The following ATP6V1B2 variants were observed in gnomAD, a reference collection of about 807,000 sequenced individuals.
ATP6V1B2 encodes ATPase H+ transporting V1 subunit B2.
ATP6V1B2 carries 23 observed loss-of-function variants against 66.7 expected under a neutral mutation model. That is an observed-to-expected ratio of 0.34 (90% confidence interval 0.25 to 0.49). The LOEUF (loss-of-function observed/expected upper bound fraction) is 0.49. Among genes scored for constraint, ATP6V1B2 ranks in the 20% least tolerant of loss-of-function variants. ATP6V1B2 has a pLI of 0.99. For synonymous variants in ATP6V1B2, 278 were observed against 236.7 expected, an observed-to-expected ratio of 1.17 and a Z score of -1.60; for missense variants, 478 against 650.8, an observed-to-expected ratio of 0.73 and a Z score of 2.89.
At position 20,203,349 on chromosome 8, in the gene ATP6V1B2, C is replaced by G. The variant is rs145439061; in HGVS notation, c.137-1135C>G. On this transcript the variant is annotated intron_variant, in intron 1 of 13. Transcript: ENST00000276390. The stretch of plus-strand genomic sequence containing the variant: ...GTCTGCTCTGTCCCAGCATTTTTAC[C>G]AGGGCTCTGGCTTCCCCGCCTGAGG... Among the ~76,000 whole-genome samples the G allele has an allele frequency of 6.5e-3, 992 of 152,300 alleles. 6 individuals carry two copies. The highest frequency in any genetic ancestry group is 0.02 in the Middle Eastern group (6 of 294).
chr8:20,202,288 A>G (rs2072695777), intron 1 of ATP6V1B2, among the ~76,000 whole-genome samples: 2 of 152,196 alleles, frequency 1.3e-5, no homozygotes, highest in African/African-American at 4.8e-5. Context: ...TAGAGTGTAC[A>G]CATTCAGATC....
Position 20,218,208 on chromosome 8 carries a change from A to C in ATP6V1B2, c.1322A>C (p.Glu441Ala), listed in dbSNP as rs750249784. The C allele has an allele frequency of 1.1e-5, 17 of 1,613,460 alleles. No homozygotes were observed. In the Admixed American group the frequency reaches 2.0e-4, roughly 19 times the overall value. Residue 441 changes from glutamate to alanine, a missense_variant, in exon 13 of 14, where the codon GAA (glutamate) becomes GCA (alanine). Coordinates refer to ENST00000276390, the MANE Select transcript of ATP6V1B2 (RefSeq NM_001693.4). The stretch of plus-strand genomic sequence containing the variant: ...CAAGCCATGAAAGCTGTCGTTGGAG[A>C]AGAAGCCCTTACCTCAGATGATCTT... ...DVQAMKAVVG[E>A]EALTSDDLLY...
At position 20,211,212 on chromosome 8, in the gene ATP6V1B2, G is replaced by A. The variant is rs1419503582; in HGVS notation, c.499G>A (p.Glu167Lys). Reference sequence around the variant, plus strand: ...CAACCCTCAATGTCGAATCTACCCAGAGGAAATGATTCAGACTGGCATTTC... The same window carrying A: ...CAACCCTCAATGTCGAATCTACCCAAAGGAAATGATTCAGACTGGCATTTC... The part of the protein sequence containing the change: ...PINPQCRIYP[E>K]EMIQTGISAI... Residue 167 changes from glutamate to lysine, a missense_variant, in exon 6 of 14, where the codon GAG (glutamate) becomes AAG (lysine). Around this residue, in one of 2 missense-constraint regions of ATP6V1B2, gnomAD observed 326 missense variants for 545.6 expected, o/e 0.60. Transcript: ENST00000276390. The A allele has an allele frequency of 6.2e-7, 1 of 1,613,120 alleles. No homozygotes were observed.
intron 1 of ATP6V1B2, among the ~76,000 whole-genome samples, chr8:20,199,663 C>G (rs1585243874): frequency 7.9e-6 from 1 of 126,964 alleles, no homozygotes; most frequent in Non-Finnish European, 1.5e-5. Flanking sequence ...GGCTGGAGTG[C>G]AGAGTGGCGC....
At position 20,220,286 on chromosome 8, in the gene ATP6V1B2, T is replaced by C; in HGVS notation, c.1420T>C (p.Phe474Leu). The C allele has an allele frequency of 6.2e-7, 1 of 1,603,370 alleles. No homozygotes were observed. Among genetic ancestry groups the C allele is most frequent in the Non-Finnish European group, 8.5e-7 (1 of 1,177,256 alleles). Reference protein sequence around the residue: ...AQGPYENRTVFETLDIGWQLL... With the variant: ...AQGPYENRTVLETLDIGWQLL... ...AGGTCCTTACGAAAATCGCACTGTC[T>C]TTGAGACTTTGGACATTGGCTGGCA... The change falls in exon 14 of 14, where the codon TTT becomes CTT. Residue 474 changes from phenylalanine (F) to leucine (L), a missense_variant. Around this residue, in one of 2 missense-constraint regions of ATP6V1B2, gnomAD observed 326 missense variants for 545.6 expected, o/e 0.60. Transcript: ENST00000276390.
At chr8:20,199,684 C>T (rs1190589316) in intron 1 of ATP6V1B2, among the ~76,000 whole-genome samples, 1 of 144,660 alleles carries the variant, frequency 6.9e-6, no homozygotes, top group African/African-American at 2.5e-5. Flanking sequence ...GATCTAGGCT[C>T]GCTGCAACCT....
intron 1 of ATP6V1B2, among the ~76,000 whole-genome samples, chr8:20,202,249 T>G (rs1431641809): frequency 2.6e-5 from 4 of 152,162 alleles, no homozygotes; most frequent in African/African-American, 9.7e-5. Context: ...TGGGCTGTAG[T>G]AGAGTCAAAG....
At chr8:20,200,650 A>T (rs1477493814) in intron 1 of ATP6V1B2, among the ~76,000 whole-genome samples, 3 of 152,246 alleles carry the variant, frequency 2.0e-5, no homozygotes, top group African/African-American at 7.2e-5. Context: ...GAAAAGATTC[A>T]ACAACATACA....
At chr8:20,210,678 G>T in intron 5 of ATP6V1B2, 32 bp downstream of exon 5, 1 of 1,586,790 alleles carries the variant, frequency 6.3e-7, no homozygotes, top group South Asian at 1.1e-5. Flanking sequence ...CTGTGTTTGG[G>T]AGAAAATAAC....
intron 1 of ATP6V1B2, among the ~76,000 whole-genome samples, chr8:20,200,335 C>T (rs983993481): frequency 1.3e-5 from 2 of 152,062 alleles, no homozygotes; most frequent in African/African-American, 4.8e-5. Context: ...TCACACTGAA[C>T]CTTTAGAAGT....
intron 1 of ATP6V1B2, among the ~76,000 whole-genome samples, chr8:20,198,057 A>C (rs2072646876): frequency 2.6e-5 from 4 of 152,088 alleles, no homozygotes; most frequent in Admixed American, 2.0e-4. Flanking sequence ...CCAGAGGGAG[A>C]TGTGGCTTGG....
intron 13 of ATP6V1B2, among the ~76,000 whole-genome samples, chr8:20,219,473 CT>C (rs2072886700): frequency 6.6e-6 from 1 of 152,214 alleles, no homozygotes; most frequent in Admixed American, 6.5e-5. Context: ...CCCATCACCC[CT>C]GCTAATGCTA....
chr8:20,204,182 A>C, intron 1 of ATP6V1B2: 1 of 403,150 alleles, frequency 2.5e-6, no homozygotes, highest in Non-Finnish European at 4.7e-6. Context: ...ACCCCCTCGC[A>C]TAAGACTGAA....
chr8:20,200,969 G>A lies in ATP6V1B2; in HGVS notation c.136+3427G>A, dbSNP rs559287620. Among the ~76,000 whole-genome samples, 22 of 152,272 alleles carry A rather than the reference G, an allele frequency of 1.4e-4. No homozygotes were observed. In the South Asian group the frequency reaches 1.4e-3, roughly 10 times the overall value. The stretch of plus-strand genomic sequence containing the variant: ...GCTGTCAACTTTTTCTGAGTATTTC[G>A]TAATCATTAAATGGTGTTACTAGTG... On this transcript the variant is annotated intron_variant, in intron 1 of 13. Transcript: ENST00000276390.
intron 2 of ATP6V1B2, among the ~76,000 whole-genome samples, chr8:20,205,882 C>G (rs1005931484): frequency 6.6e-6 from 1 of 151,976 alleles, no homozygotes; most frequent in African/African-American, 2.4e-5. Context: ...AGCAAAATAC[C>G]TATGTAAAAT....
In ATP6V1B2 at chr8:20,220,571, T is replaced by A; in HGVS notation, c.*169T>A. ...CCAGTGTTGCAACGTTTTAAACTGC[T>A]AACAGACCTTAAAATATCCCCCTAC... On this transcript the variant is annotated 3_prime_UTR_variant, in exon 14 of 14. Coordinates refer to ENST00000276390, the MANE Select transcript of ATP6V1B2 (RefSeq NM_001693.4). The A allele has an allele frequency of 1.1e-6, 1 of 950,154 alleles. No individual in the cohort carries two copies. Among genetic ancestry groups the A allele is most frequent in the Non-Finnish European group, 1.4e-6 (1 of 690,030 alleles). 58.9% of individuals were successfully genotyped at this position (950,154 alleles called of 1,614,324 possible). A position where few individuals can be genotyped will look rare whatever the true frequency, so the allele number is the denominator to read the frequency against.
At chr8:20,218,749 C>T (rs2072879719) in intron 13 of ATP6V1B2, among the ~76,000 whole-genome samples, 1 of 152,200 alleles carries the variant, frequency 6.6e-6, no homozygotes, top group African/African-American at 2.4e-5. Flanking sequence ...CCAGCGTCCA[C>T]TTTTCACTGT....
chr8:20,217,187 A>C (rs1332340675), intron 11 of ATP6V1B2, 33 bp from the exon 12 acceptor site: 2 of 1,536,430 alleles, frequency 1.3e-6, no homozygotes, highest in Admixed American at 1.7e-5. Context: ...TTGTACTTAA[A>C]TATAGTATTT....
intron 2 of ATP6V1B2, among the ~76,000 whole-genome samples, chr8:20,208,745 TCAGC>T (rs1266906469): frequency 1.3e-5 from 2 of 149,984 alleles, no homozygotes; most frequent in African/African-American, 4.9e-5. Flanking sequence ...TCTTTTTCTA[TCAGC>T]CAGGCTGGAG....
Sources: allele counts gnomAD v4.1 joint callset (sites outside exome capture counted in the v4.1 genomes callset), GRCh38; gene constraint gnomAD v4.1.1; regional missense constraint gnomAD v4.1.1; transcripts MANE v1.5; gene names NCBI Gene and HGNC (gene_info 2026-07-23, HGNC 2026-07-21).